Variants in CLVS1 observed in about 807,000 individuals in gnomAD.
CLVS1 encodes the protein clavesin-1.
Under a neutral mutation model 33.1 loss-of-function variants are expected in CLVS1, and 10 were observed. The observed-to-expected ratio is 0.30, with a 90% confidence interval of 0.19 to 0.51. The LOEUF is 0.51. Among genes scored for constraint, CLVS1 ranks in the 20% least tolerant of loss-of-function variants. The probability of loss-of-function intolerance (pLI) is 0.97; values close to 1 mark genes in which losing one functional copy is unlikely to be tolerated. For synonymous variants in CLVS1, 163 were observed against 166.1 expected (o/e 0.98, Z 0.14); for missense variants, 343 against 433.4 (o/e 0.79, Z 1.85).
At chr8:61,333,696 G>A (rs1470130934) in intron 2 of CLVS1, among the ~76,000 whole-genome samples, 1 of 152,156 alleles carries the variant, frequency 6.6e-6, no homozygotes, top group African/African-American at 2.4e-5. Flanking sequence ...GGCAAAAAGG[G>A]TTTGCTTTTA....
chr8:61,471,269 G>A (rs1817726279), intron 5 of CLVS1, among the ~76,000 whole-genome samples: 1 of 152,212 alleles, frequency 6.6e-6, no homozygotes, highest in Non-Finnish European at 1.5e-5. Context: ...AGGCAGCAGA[G>A]TGAGAAAGTC....
At chr8:61,355,052 GT>G (rs1370356831) in intron 2 of CLVS1, among the ~76,000 whole-genome samples, 3 of 152,112 alleles carry the variant, frequency 2.0e-5, no homozygotes, top group Non-Finnish European at 4.4e-5. Flanking sequence ...TAACTATGAA[GT>G]TGGTTCCACT....
chr8:61,458,122 C>A (rs1453673161), intron 4 of CLVS1, among the ~76,000 whole-genome samples, 185 bp from the exon 5 acceptor site: 1 of 152,200 alleles, frequency 6.6e-6, no homozygotes, highest in Non-Finnish European at 1.5e-5. Context: ...AATTCAGCCC[C>A]TTTTCTAAGC....
Position 61,449,083 on chromosome 8 carries a change from G to A in CLVS1, c.631-5058G>A, listed in dbSNP as rs144941201. The stretch of plus-strand genomic sequence containing the variant: ...TCTGGCAGTGAAAGTGGGGTGTGCT[G>A]CCTCATCATTACCAAGTAGAGGTAG... On this transcript the variant is annotated intron_variant, in intron 3 of 5. Transcript: ENST00000325897. 3.4e-3 allele frequency among the ~76,000 whole-genome samples: 515 copies of A among 151,964 alleles called. 6 individuals are homozygous for A. The highest frequency in any genetic ancestry group is 0.012 in the African/African-American group (490 of 41,426).
chr8:61,111,019 A>C (rs1380041858), intron 1 of CLVS1, among the ~76,000 whole-genome samples: 3 of 152,152 alleles, frequency 2.0e-5, no homozygotes, highest in Non-Finnish European at 4.4e-5. Context: ...CTATCTCTTT[A>C]AGATCCACTT....
chr8:61,165,302 G>A (rs772519114), intron 2 of CLVS1, among the ~76,000 whole-genome samples: 1 of 152,150 alleles, frequency 6.6e-6, no homozygotes, highest in Non-Finnish European at 1.5e-5. Context: ...TAACAAACAC[G>A]GACCAGAAGA....
the CLVS1 span, among the ~76,000 whole-genome samples, chr8:60,989,479 C>T: frequency 6.6e-6 from 1 of 152,188 alleles, no homozygotes; most frequent in Admixed American, 6.5e-5. Context: ...ACACTCCTTT[C>T]CACTTAGTCC....
rs145850565 is a variant in CLVS1 at position 61,259,852 on chromosome 8, C to T, written c.-151-39825C>T. On this transcript the variant is annotated intron_variant, in intron 2 of 2. Transcript: ENST00000522621. ...CTCAGCTGCAGCTGTGGGTATATCC[C>T]TGCATGCAGAGGGTACTCAGGCCCC... 1.6e-3 allele frequency among the ~76,000 whole-genome samples: 251 copies of T among 152,342 alleles called. 1 individual carries two copies. The highest frequency in any genetic ancestry group is 5.6e-3 in the African/African-American group (233 of 41,576).
upstream of CLVS1, among the ~76,000 whole-genome samples, chr8:61,285,959 G>GTTT (rs34918981): frequency 1.8e-4 from 25 of 135,140 alleles, no homozygotes; most frequent in African/African-American, 5.4e-4. Context: ...TTTCCCTGTA[G>GTTT]TTTTTTTTTT....
At chr8:61,187,633 AC>A (rs1762815146) in intron 2 of CLVS1, among the ~76,000 whole-genome samples, 1 of 108,060 alleles carries the variant, frequency 9.3e-6, no homozygotes, top group African/African-American at 3.2e-5. Flanking sequence ...CTTCCTTTAG[AC>A]TTTGCCAGAT....
At chr8:61,307,061 G>T (rs976227234) in intron 2 of CLVS1, among the ~76,000 whole-genome samples, 2 of 152,172 alleles carry the variant, frequency 1.3e-5, no homozygotes, top group African/African-American at 4.8e-5. Flanking sequence ...TGAATGGGGG[G>T]TTGTTGGTGA....
At chr8:61,343,172 C>T (rs1283099241) in intron 2 of CLVS1, among the ~76,000 whole-genome samples, 2 of 152,232 alleles carry the variant, frequency 1.3e-5, no homozygotes, top group Non-Finnish European at 2.9e-5. Flanking sequence ...CATAAAAGCA[C>T]TTTCTTCCAA....
chr8:61,256,789 A>G (rs375711722), intron 2 of CLVS1, among the ~76,000 whole-genome samples: 34 of 152,304 alleles, frequency 2.2e-4, no homozygotes, highest in African/African-American at 8.2e-4. Flanking sequence ...TGAGGTGACA[A>G]GTGAAGGAAG....
chr8:61,476,763 T>C (rs990936090), intron 5 of CLVS1, among the ~76,000 whole-genome samples: 2 of 152,216 alleles, frequency 1.3e-5, no homozygotes, highest in Admixed American at 6.5e-5. Context: ...TTTGACTTCT[T>C]CTTTTCCTAA....
chr8:60,969,840 T>TCTATA, the CLVS1 span, among the ~76,000 whole-genome samples: 6 of 152,282 alleles, frequency 3.9e-5, no homozygotes, highest in South Asian at 1.0e-3. Flanking sequence ...ATAACAACTA[T>TCTATA]CTATAGAGCC....
In CLVS1 at chr8:61,500,800, A is replaced by AATG. The variant is rs1171318332; in HGVS notation, c.*1259_*1261dup. 1 of 152,186 alleles carries AATG rather than the reference A, an allele frequency of 6.6e-6. No homozygotes were observed. The highest frequency in any genetic ancestry group is 1.5e-5 in the Non-Finnish European group (1 of 68,038). The allele number at this position is 152,186 out of a possible 1,614,324, so 9.4% of individuals were successfully genotyped here. On this transcript the variant is annotated 3_prime_UTR_variant, in exon 6 of 6. Transcript: ENST00000325897. ...GTCAAACAAAAATATTTTAGTTAATAATGGGCAGTAAAATATGATTTTACA... is the reference window on the plus strand; with the variant it reads ...GTCAAACAAAAATATTTTAGTTAATAATGATGGGCAGTAAAATATGATTTTACA...
At chr8:61,143,860 A>C (rs146907884) in intron 2 of CLVS1, among the ~76,000 whole-genome samples, 3 of 147,816 alleles carry the variant, frequency 2.0e-5, no homozygotes, top group African/African-American at 7.4e-5. Flanking sequence ...ATATATATAC[A>C]TATAATATTC....
chr8:61,221,262 G>A (rs567457329), intron 2 of CLVS1, among the ~76,000 whole-genome samples: 12 of 152,024 alleles, frequency 7.9e-5, no homozygotes, highest in South Asian at 2.1e-4. Flanking sequence ...TTCTTGTGCC[G>A]GTTTGCAAAG....
intron 2 of CLVS1, among the ~76,000 whole-genome samples, chr8:61,259,884 C>A (rs1478229976): frequency 6.6e-6 from 1 of 152,210 alleles, no homozygotes; most frequent in East Asian, 1.9e-4. Flanking sequence ...CCCCAGCTCC[C>A]CCTGCTGCCG....
Sources: gnomAD v4.1 joint callset for allele counts (sites outside exome capture counted in the v4.1 genomes callset) on GRCh38, gnomAD v4.1.1 for gene constraint, MANE v1.5 for transcripts, NCBI Gene and HGNC (gene_info 2026-07-23, HGNC 2026-07-21) for gene names.